MYCL: variants seen among roughly 807,000 people sequenced by gnomAD.
MYCL encodes the protein MYCL proto-oncogene, bHLH transcription factor.
MYCL carries 11 observed loss-of-function variants against 31.0 expected under a neutral mutation model. The observed-to-expected ratio is 0.35, with a 90% CI of 0.22 to 0.59. The LOEUF (loss-of-function observed/expected upper bound fraction) is 0.59. MYCL is among the 20% of genes least tolerant of loss of function. MYCL has a pLI of 0.79. For missense variants in MYCL, 427 were observed against 486.1 expected (o/e 0.88, Z 1.14); for synonymous variants, 208 against 202.4 (o/e 1.03, Z -0.23).
Position 39,900,963 on chromosome 1 carries a change from C to A in MYCL, c.472G>T (p.Gly158Trp). ...CCCGAGTCGCTTGGGCTCTCGGACC[C>A]GGAGCAGGCCTGGGTCTTGGGTTCG... ...LGEPKTQACS[G>W]SESPSDSENE... The change falls in exon 1 of 2, where the codon GGG (glycine) becomes TGG (tryptophan). Residue 158 changes from glycine to tryptophan, a missense_variant. By Grantham distance (184) the Gly-to-Trp change is radical. Coordinates refer to ENST00000372816, the MANE Select transcript of MYCL (RefSeq NM_001033081.3). The A allele has an allele frequency of 6.7e-7, 1 of 1,494,272 alleles. No homozygotes were observed. Among genetic ancestry groups the A allele is most frequent in the South Asian group, 1.3e-5 (1 of 76,432 alleles). 92.6% of individuals were successfully genotyped at this position (1,494,272 alleles called of 1,614,324 possible). A position where few individuals can be genotyped will look rare whatever the true frequency, so the allele number is the denominator to read the frequency against.
Position 39,897,163 on chromosome 1 carries a change from C to T in MYCL, c.*209G>A, listed in dbSNP as rs960803579. On this transcript the variant is annotated 3_prime_UTR_variant, in exon 2 of 2. Transcript: ENST00000372816. The surrounding 1 kb of genome is among the most constrained non-coding windows in gnomAD (Gnocchi z 4.3). ...AAGGCGCCAGAGAACATACAGCACT[C>T]CCATGAGTCAGGGAAGAGGGAGAGC... is the stretch of plus-strand genomic sequence containing the variant. The T allele has an allele frequency of 8.2e-6, 5 of 607,400 alleles. No homozygotes were observed. Among genetic ancestry groups the T allele is most frequent in the Middle Eastern group, 4.6e-4 (1 of 2,184 alleles). The allele number at this position is 607,400 out of a possible 1,614,324, so 37.6% of individuals were successfully genotyped here. A position where few individuals can be genotyped will look rare whatever the true frequency, so the allele number is the denominator to read the frequency against.
intron 1 of MYCL, chr1:39,899,123 T>C (rs1236498664): frequency 1.0e-6 from 1 of 977,610 alleles, no homozygotes; most frequent in Non-Finnish European, 1.2e-6. Context: ...GATTACGCTG[T>C]GTTTGGACTT....
In MYCL at chr1:39,897,529, C is replaced by T. The variant is rs367860167; in HGVS notation, c.938G>A (p.Ser313Asn). Residue 313 changes from serine to asparagine, a missense_variant, in exon 2 of 2, where the codon AGC becomes AAC. Physicochemically the swap from Ser to Asn is conservative, Grantham distance 46 (BLOSUM62 1). Transcript: ENST00000372816. The surrounding 1 kb of genome is among the most constrained non-coding windows in gnomAD (Gnocchi z 4.3). ...CACTACTTTGGGGGCCTTGGAGCAG[C>T]TGGCCAGGGTGGGCACCTGGTCCCT... ...ALRDQVPTLA[S>N]CSKAPKVVIL... 1.1e-5 allele frequency: 18 copies of T among 1,614,224 alleles called. No homozygotes were observed. Among genetic ancestry groups the T allele is most frequent in the Non-Finnish European group, 1.5e-5 (18 of 1,180,046 alleles).
In MYCL at chr1:39,895,726, T is replaced by G. The variant is rs2124713746; in HGVS notation, c.*1646A>C. 1 of 227,998 alleles carries G rather than the reference T, an allele frequency of 4.4e-6. No individual in the cohort carries two copies. The highest frequency in any genetic ancestry group is 2.2e-5 in the African/African-American group (1 of 45,128). The allele number at this position is 227,998 out of a possible 1,614,324, so 14.1% of individuals were successfully genotyped here. A position where few individuals can be genotyped will look rare whatever the true frequency, so the allele number is the denominator to read the frequency against. On this transcript the variant is annotated 3_prime_UTR_variant, in exon 2 of 2. Coordinates refer to ENST00000372816, the MANE Select transcript of MYCL (RefSeq NM_001033081.3). ...AGACATCAGTAACCTACACCCAAAC[T>G]GTCCTCCATAGACAATTCCAGAAGT...
At chr1:39,899,619 G>A (rs1449774719) in intron 1 of MYCL, 1 of 985,232 alleles carries the variant, frequency 1.0e-6, no homozygotes, top group Non-Finnish European at 1.2e-6. Flanking sequence ...CCGTTGTAGA[G>A]ATACATCTTT....
rs1644481841 is a variant in MYCL, at chr1:39,896,268, A to G, written c.*1104T>C. ...AGATTCTGGGAAAGATATCTGATTC[A>G]TGGCAGGCTGGAAGGGGCCCAAGGG... On this transcript the variant is annotated 3_prime_UTR_variant, in exon 2 of 2. Coordinates refer to ENST00000372816, the MANE Select transcript of MYCL (RefSeq NM_001033081.3). The G allele has an allele frequency of 1.0e-5, 2 of 196,976 alleles. No individual in the cohort carries two copies. The highest frequency in any genetic ancestry group is 3.8e-4 in the South Asian group (2 of 5,214). The allele number at this position is 196,976 out of a possible 1,614,324, so 12.2% of individuals were successfully genotyped here.
intron 1 of MYCL, chr1:39,898,649 C>T (rs1043808445): frequency 1.0e-6 from 1 of 985,368 alleles, no homozygotes; most frequent in African/African-American, 1.7e-5. Flanking sequence ...GCCTGCCCCA[C>T]CTCCTTCCCT....
chr1:39,901,348 G>A lies in MYCL; in HGVS notation c.87C>T (p.Ile29=). 6.2e-7 allele frequency: 1 copy of A among 1,610,054 alleles called. No homozygotes were observed. Residue 29 remains isoleucine (I), a synonymous_variant, in exon 1 of 2, where the codon ATC becomes ATT. Coordinates refer to ENST00000372816, the MANE Select transcript of MYCL (RefSeq NM_001033081.3). This position sits in a 1 kb window ranked among gnomAD's most constrained non-coding sequence, Gnocchi z 6.9. ...ATGGCACCAGCTCGAATTTCTTCCA[G>A]ATGTCCTCGCTGGGCGCCGTGGAGC... ...FYRSTAPSED[I]WKKFELVPSP... is the part of the protein sequence containing the mutation.
chr1:39,900,548 C>T (rs1005451574), intron 1 of MYCL: 208 of 1,163,876 alleles, frequency 1.8e-4, no homozygotes, highest in Non-Finnish European at 2.1e-4. Context: ...GCTTCTTCTC[C>T]CCCTAGGGGA....
Position 39,901,789 on chromosome 1 carries a change from T to C in MYCL, c.-355A>G. On this transcript the variant is annotated 5_prime_UTR_variant, in exon 1 of 2. Transcript: ENST00000372816. This position sits in a 1 kb window ranked among gnomAD's most constrained non-coding sequence, Gnocchi z 6.9. ...CACCGCGGGACCCGCGCCCGTGCCC[T>C]GGCCACCCGCAGCCTCACCTCGCTC... The C allele has an allele frequency of 1.6e-6, 2 of 1,272,062 alleles. No individual in the cohort carries two copies. The highest frequency in any genetic ancestry group is 2.0e-6 in the Non-Finnish European group (2 of 999,354). The allele number at this position is 1,272,062 out of a possible 1,614,324, so 78.8% of individuals were successfully genotyped here.
intron 1 of MYCL, chr1:39,899,017 T>C: frequency 3.0e-6 from 3 of 985,494 alleles, no homozygotes; most frequent in Non-Finnish European, 3.6e-6. Flanking sequence ...TGAGCCCCTT[T>C]GTCAGGAAGG....
In MYCL at chr1:39,896,093, T is replaced by A. The variant is rs929262123; in HGVS notation, c.*1279A>T. 1.4e-5 allele frequency: 3 copies of A among 208,246 alleles called. No individual in the cohort carries two copies. The highest frequency in any genetic ancestry group is 2.3e-5 in the African/African-American group (1 of 43,884). The allele number at this position is 208,246 out of a possible 1,614,324, so 12.9% of individuals were successfully genotyped here. A position where few individuals can be genotyped will look rare whatever the true frequency, so the allele number is the denominator to read the frequency against. On this transcript the variant is annotated 3_prime_UTR_variant, in exon 2 of 2. Transcript: ENST00000372816. ...ACTAGAAGCTGCACGTGGATTCCAC[T>A]TGGAGCTGCCGAGTCCAGCTGGGGT...
Position 39,896,374 on chromosome 1 carries a change from G to A in MYCL, c.*998C>T, listed in dbSNP as rs1223208709. 3 of 200,838 alleles carry A rather than the reference G, an allele frequency of 1.5e-5. No homozygotes were observed. Among genetic ancestry groups the A allele is most frequent in the African/African-American group, 2.3e-5 (1 of 43,502 alleles). 12.4% of individuals were successfully genotyped at this position (200,838 alleles called of 1,614,324 possible). ...GTTCCAGAAGAACTTCAAACTTGCC[G>A]CTCAAGGATTGAGATGAGGCAGGTG... On this transcript the variant is annotated 3_prime_UTR_variant, in exon 2 of 2. Coordinates refer to ENST00000372816, the MANE Select transcript of MYCL (RefSeq NM_001033081.3).
chr1:39,898,391 G>A (rs1644503560), intron 1 of MYCL, among the ~76,000 whole-genome samples: 3 of 152,242 alleles, frequency 2.0e-5, no homozygotes, highest in Admixed American at 6.5e-5. Context: ...TGAGGGGTCT[G>A]TGGGCAGAGC....
Position 39,897,856 on chromosome 1 carries a change from T to G in MYCL, c.611A>C (p.His204Pro). The change falls in exon 2 of 2, where the codon CAC becomes CCC. Residue 204 changes from histidine (H) to proline (P), a missense_variant. His to Pro is a moderately conservative substitution (Grantham distance 77). Coordinates refer to ENST00000372816, the MANE Select transcript of MYCL (RefSeq NM_001033081.3). The surrounding 1 kb of genome is among the most constrained non-coding windows in gnomAD (Gnocchi z 4.3). ...GTGCTGTTGCTGATGGATGGAGATG[T>G]GGAAATGCTTCATGCAGGGATCCAG... is the stretch of plus-strand genomic sequence containing the variant. ...DPLDPCMKHF[H>P]ISIHQQQHNY... 6.2e-7 allele frequency: 1 copy of G among 1,614,174 alleles called. No individual in the cohort carries two copies. The highest frequency in any genetic ancestry group is 1.3e-5 in the African/African-American group (1 of 75,022).
At position 39,897,540 on chromosome 1, in the gene MYCL, G is replaced by A. The variant is rs1487885167; in HGVS notation, c.927C>T (p.Pro309=). 8.1e-6 allele frequency: 13 copies of A among 1,614,084 alleles called. No individual in the cohort carries two copies. The highest frequency in any genetic ancestry group is 1.1e-5 in the Non-Finnish European group (13 of 1,180,044). Residue 309 remains proline (P), a synonymous_variant, in exon 2 of 2, where the codon CCC becomes CCT. Transcript: ENST00000372816. This position sits in a 1 kb window ranked among gnomAD's most constrained non-coding sequence, Gnocchi z 4.3. Reference sequence around the variant, plus strand: ...GGGCCTTGGAGCAGCTGGCCAGGGTGGGCACCTGGTCCCTCAGCGCCAAGA... The same window carrying A: ...GGGCCTTGGAGCAGCTGGCCAGGGTAGGCACCTGGTCCCTCAGCGCCAAGA... ...SRFLALRDQV[P]TLASCSKAPK...
At position 39,901,315 on chromosome 1, in the gene MYCL, G is replaced by T. The variant is rs778271711; in HGVS notation, c.120C>A (p.Pro40=). 1.2e-6 allele frequency: 2 copies of T among 1,603,960 alleles called. No homozygotes were observed. Among genetic ancestry groups the T allele is most frequent in the East Asian group, 4.5e-5 (2 of 44,516 alleles). The change falls in exon 1 of 2, where the codon CCC becomes CCA. Residue 40 remains proline (P), a synonymous_variant. Transcript: ENST00000372816. The surrounding 1 kb of genome is among the most constrained non-coding windows in gnomAD (Gnocchi z 6.9). ...GACCCAAGCCCCAGGGCGGCGACGTGGGGGGCGATGGCACCAGCTCGAATT... is the reference window on the plus strand; with the variant it reads ...GACCCAAGCCCCAGGGCGGCGACGTTGGGGGCGATGGCACCAGCTCGAATT... ...WKKFELVPSP[P]TSPPWGLGPG...
chr1:39,901,425 C>T lies in MYCL; in HGVS notation c.10G>A (p.Asp4Asn). 3.1e-6 allele frequency: 5 copies of T among 1,612,134 alleles called. No homozygotes were observed. Among genetic ancestry groups the T allele is most frequent in the Non-Finnish European group, 3.4e-6 (4 of 1,179,744 alleles). MDY[D>N]SYQHYFYDYD... is the part of the protein sequence containing the mutation. The stretch of plus-strand genomic sequence containing the variant: ...TCGTAGAAATAGTGCTGGTACGAGT[C>T]GTAGTCCATGTCCGCTCCCTGCGGG... Residue 4 changes from aspartate to asparagine, a missense_variant, in exon 1 of 2, where the codon GAC becomes AAC. Physicochemically the swap from Asp to Asn is conservative, Grantham distance 23. Coordinates refer to ENST00000372816, the MANE Select transcript of MYCL (RefSeq NM_001033081.3). This position sits in a 1 kb window ranked among gnomAD's most constrained non-coding sequence, Gnocchi z 6.9.
Position 39,901,075 on chromosome 1 carries a change from C to T in MYCL, c.360G>A (p.Gly120=), listed in dbSNP as rs1423053692. ...SDRLAPGAPR[G]NPPKASAAPD... ...GGGCGGCGGACGCCTTGGGCGGGTT[C>T]CCCCGGGGCGCGCCAGGAGCGAGCC... Residue 120 remains glycine (G), a synonymous_variant, in exon 1 of 2, where the codon GGG becomes GGA. Transcript: ENST00000372816. This position sits in a 1 kb window ranked among gnomAD's most constrained non-coding sequence, Gnocchi z 6.9. 2 of 1,564,398 alleles carry T rather than the reference C, an allele frequency of 1.3e-6. No individual in the cohort carries two copies. Among genetic ancestry groups the T allele is most frequent in the Non-Finnish European group, 1.7e-6 (2 of 1,154,802 alleles).
Sources: allele counts gnomAD v4.1 joint callset (sites outside exome capture counted in the v4.1 genomes callset), GRCh38; gene constraint gnomAD v4.1.1; non-coding constraint Gnocchi (gnomAD v3.1); transcripts MANE v1.5; gene names NCBI Gene and HGNC (gene_info 2026-07-23, HGNC 2026-07-21).